The following TULP1 variants were observed in gnomAD, a reference collection of about 807,000 sequenced individuals.
TULP1 encodes TUB like protein 1.
A neutral mutation model predicts 67.1 loss-of-function variants in TULP1; 50 were observed. That is an observed-to-expected ratio of 0.75 (90% CI 0.59 to 0.94). The LOEUF (loss-of-function observed/expected upper bound fraction) is 0.94. TULP1 is among the 40% of genes least tolerant of loss of function. The probability of loss-of-function intolerance (pLI) is 0.00; values close to 1 mark genes in which losing one functional copy is unlikely to be tolerated. For synonymous variants in TULP1, 297 were observed against 294.0 expected, an observed-to-expected ratio of 1.01 and a Z score of -0.11; for missense variants, 746 against 734.1, an observed-to-expected ratio of 1.02 and a Z score of -0.19.
rs764391941 is a variant in TULP1, at chr6:35,505,960, G to A, written c.999+43C>T. On this transcript the variant is annotated intron_variant, in intron 10 of 14. Coordinates refer to ENST00000229771, the MANE Select transcript of TULP1 (RefSeq NM_003322.6). ...CCGTTTGTCCCGTGGCCCCCATGCCGGATCCCTCCACACTCCCTCCTCTGC... is the reference window on the plus strand; with the variant it reads ...CCGTTTGTCCCGTGGCCCCCATGCCAGATCCCTCCACACTCCCTCCTCTGC... 102 of 1,613,946 alleles carry A rather than the reference G, an allele frequency of 6.3e-5. 1 individual carries two copies. In the South Asian group the frequency reaches 9.7e-4, roughly 15 times the overall value.
chr6:35,507,110 G>C (rs894296547), intron 8 of TULP1, among the ~76,000 whole-genome samples: 2 of 151,540 alleles, frequency 1.3e-5, no homozygotes, highest in African/African-American at 4.9e-5. Context: ...GCCACTCCAA[G>C]GTTAGGTCAT....
intron 5 of TULP1, 105 bp downstream of exon 5, chr6:35,510,756 T>C: frequency 6.2e-7 from 1 of 1,601,680 alleles, no homozygotes; most frequent in Non-Finnish European, 8.5e-7. Context: ...CAGCACTGGG[T>C]TCATTTTGAG....
rs1486962809 is a variant in TULP1, at chr6:35,498,216, C to T, written c.*111G>A. ...CCGAGAGGCAGTGAGAGGTCAGCCC[C>T]GACACAGGAGCAGTTTTCCGCGGGA... On this transcript the variant is annotated 3_prime_UTR_variant, in exon 15 of 15. Coordinates refer to ENST00000229771, the MANE Select transcript of TULP1 (RefSeq NM_003322.6). The surrounding 1 kb of genome is among the most constrained non-coding windows in gnomAD (Gnocchi z 6.7). The T allele has an allele frequency of 1.3e-6, 2 of 1,504,622 alleles. No homozygotes were observed. The highest frequency in any genetic ancestry group is 1.4e-5 in the African/African-American group (1 of 72,440). 93.2% of individuals were successfully genotyped at this position (1,504,622 alleles called of 1,614,324 possible). A position where few individuals can be genotyped will look rare whatever the true frequency, so the allele number is the denominator to read the frequency against.
At position 35,510,871 on chromosome 6, in the gene TULP1, C is replaced by T; in HGVS notation, c.489G>A (p.Gln163=). 6.2e-7 allele frequency: 1 copy of T among 1,613,954 alleles called. No homozygotes were observed. Among genetic ancestry groups the T allele is most frequent in the Admixed American group, 1.7e-5 (1 of 60,034 alleles). The change falls in exon 5 of 15, where the codon CAG becomes CAA. Residue 163 remains glutamine (Q), a synonymous_variant. Coordinates refer to ENST00000229771, the MANE Select transcript of TULP1 (RefSeq NM_003322.6). ...ADLKERRAKA[Q]GPRGDLGSPD... ...ACCCTCAGCACCCACCCCTTGGGCC[C>T]TGGGCCTTGGCCCTCCTCTCCTTCA...
chr6:35,500,824 G>A (rs1019767194), intron 13 of TULP1, among the ~76,000 whole-genome samples: 6 of 152,174 alleles, frequency 3.9e-5, no homozygotes, highest in African/African-American at 9.7e-5. Context: ...TTCTTACTGG[G>A]CCCAAACAAG....
At chr6:35,509,575 G>A in intron 7 of TULP1, 59 bp downstream of exon 7, 1 of 1,551,130 alleles carries the variant, frequency 6.4e-7, no homozygotes, top group African/African-American at 1.4e-5. Flanking sequence ...GGACCCTCTA[G>A]CTCCCCGCCC....
intron 8 of TULP1, among the ~76,000 whole-genome samples, chr6:35,507,056 G>T (rs1415831409): frequency 1.3e-5 from 2 of 151,836 alleles, no homozygotes; most frequent in African/African-American, 4.8e-5. Flanking sequence ...TGCATACCAG[G>T]GTTGGTCCCT....
intron 14 of TULP1, among the ~76,000 whole-genome samples, chr6:35,499,742 T>C (rs1355222104): frequency 1.3e-5 from 2 of 152,162 alleles, no homozygotes; most frequent in Non-Finnish European, 2.9e-5. Context: ...CCCACTGCTC[T>C]GGCCAATGCT....
chr6:35,505,959 C>G (rs763481848), intron 10 of TULP1, 44 bp downstream of exon 10: 1 of 1,613,966 alleles, frequency 6.2e-7, no homozygotes, highest in Admixed American at 1.7e-5. Flanking sequence ...GCCCCCATGC[C>G]GGATCCCTCC....
intron 13 of TULP1, 86 bp from the exon 14 acceptor site, chr6:35,500,238 C>A (rs1768810140): frequency 6.9e-7 from 1 of 1,439,226 alleles, no homozygotes; most frequent in African/African-American, 1.4e-5. Flanking sequence ...GGGGCCTGGG[C>A]ATGTGTGCAC....
At chr6:35,509,156 C>A in intron 8 of TULP1, 53 bp downstream of exon 8, 3 of 1,538,830 alleles carry the variant, frequency 1.9e-6, no homozygotes, top group East Asian at 4.5e-5. Context: ...AGTCCAGGCC[C>A]CTGCCTCTGC....
In TULP1 at chr6:35,499,990, C is replaced by T. The variant is rs141980901; in HGVS notation, c.1486G>A (p.Ala496Thr). 7.1e-4 allele frequency: 1,149 copies of T among 1,614,038 alleles called. 1 individual carries two copies. The highest frequency in any genetic ancestry group is 6.1e-3 in the Middle Eastern group (37 of 6,062). Residue 496 changes from alanine (A) to threonine (T), a missense_variant, in exon 14 of 15, where the codon GCT becomes ACT. By Grantham distance (58) the Ala-to-Thr change is moderately conservative. Coordinates refer to ENST00000229771, the MANE Select transcript of TULP1 (RefSeq NM_003322.6). ...ASVKNFQIVHADDPDYIVLQF... is the reference protein window; with the variant it reads ...ASVKNFQIVHTDDPDYIVLQF... ...GCCCTCAGGTACTCACGGTCATCAG[C>T]GTGGACAATCTGGAAGTTCTTGACT...
rs774448249 is a variant in TULP1 at position 35,500,144 on chromosome 6, G to A, written c.1332C>T (p.Asp444=). 14 of 1,613,914 alleles carry A rather than the reference G, an allele frequency of 8.7e-6. No homozygotes were observed. Among genetic ancestry groups the A allele is most frequent in the South Asian group, 5.5e-5 (5 of 91,090 alleles). Residue 444 remains aspartate, a synonymous_variant, in exon 14 of 15, where the codon GAC becomes GAT. Transcript: ENST00000229771. ...RVPIRPRNAS[D]GLLVRWQNKT... Reference sequence around the variant, plus strand: ...TGTTCTGCCAGCGCACCAGCAGGCCGTCACTAGCCTGGGGTGCCCCAGGGG... The same window carrying A: ...TGTTCTGCCAGCGCACCAGCAGGCCATCACTAGCCTGGGGTGCCCCAGGGG...
chr6:35,508,149 C>CA (rs1231454908), intron 8 of TULP1, among the ~76,000 whole-genome samples: 11 of 152,156 alleles, frequency 7.2e-5, no homozygotes. Flanking sequence ...CACAGGTTTG[C>CA]AGTGTGTTTG....
At position 35,498,606 on chromosome 6, in the gene TULP1, CCTT is replaced by C. The variant is rs200847446; in HGVS notation, c.1496-149_1496-147del. The C allele has an allele frequency of 1.9e-3, 2,390 of 1,259,040 alleles. 33 individuals carry two copies. In the African/African-American group the frequency reaches 0.031, roughly 16 times the overall value. The allele number at this position is 1,259,040 out of a possible 1,614,324, so 78.0% of individuals were successfully genotyped here. On this transcript the variant is annotated intron_variant, in intron 14 of 14. Transcript: ENST00000229771. This position sits in a 1 kb window ranked among gnomAD's most constrained non-coding sequence, Gnocchi z 6.7. ...CCATCTCAGTTACTCAACACCCATC[CCTT>C]CTTCTATCTCACTCCACACCAGCAC...
chr6:35,500,237 G>A (rs1768810053), intron 13 of TULP1, 85 bp from the exon 14 acceptor site: 5 of 1,464,750 alleles, frequency 3.4e-6, no homozygotes, highest in Non-Finnish European at 4.7e-6. Flanking sequence ...AGGGGCCTGG[G>A]CATGTGTGCA....
At chr6:35,499,674 A>T (rs529012135) in intron 14 of TULP1, among the ~76,000 whole-genome samples, 1 of 147,536 alleles carries the variant, frequency 6.8e-6, no homozygotes, top group South Asian at 2.1e-4. Flanking sequence ...TGGTTTTCAG[A>T]CTCTAGGAGC....
In TULP1 at chr6:35,500,110, C is replaced by G; in HGVS notation, c.1366G>C (p.Glu456Gln). 6.2e-7 allele frequency: 1 copy of G among 1,614,172 alleles called. No individual in the cohort carries two copies. The highest frequency in any genetic ancestry group is 1.7e-5 in the Admixed American group (1 of 60,032). Reference protein sequence around the residue: ...LLVRWQNKTLESLIELHNKPP... With the variant: ...LLVRWQNKTLQSLIELHNKPP... The stretch of plus-strand genomic sequence containing the variant: ...TTGTTGTGCAGTTCTATGAGGCTCT[C>G]CAGCGTCTTGTTCTGCCAGCGCACC... The change falls in exon 14 of 15, where the codon GAG (glutamate) becomes CAG (glutamine). Residue 456 changes from glutamate (E) to glutamine (Q), a missense_variant. Around this residue, in one of 3 missense-constraint regions of TULP1, gnomAD observed 383 missense variants for 374.1 expected, o/e 1.02. Transcript: ENST00000229771.
At chr6:35,505,719 GC>G in intron 11 of TULP1, 21 bp downstream of exon 11, 3 of 1,613,512 alleles carry the variant, frequency 1.9e-6, no homozygotes, top group Non-Finnish European at 2.5e-6. Context: ...AGTCCCCCCA[GC>G]CCCAGGAAGC....
Sources: gnomAD v4.1 joint callset for allele counts (sites outside exome capture counted in the v4.1 genomes callset) on GRCh38, gnomAD v4.1.1 for gene constraint, gnomAD v4.1.1 regional missense constraint, Gnocchi (gnomAD v3.1) non-coding constraint, MANE v1.5 for transcripts, NCBI Gene and HGNC (gene_info 2026-07-23, HGNC 2026-07-21) for gene names.